The following ZNF280D variants were observed in gnomAD, a reference collection of about 807,000 sequenced individuals.
ZNF280D encodes the protein suppressor of hairy wing homolog 4.
In ZNF280D, 39 loss-of-function variants were observed where a neutral mutation model predicts 94.7. The ratio of observed to expected loss-of-function variants is 0.41; its 90% confidence interval spans 0.32 to 0.54. ZNF280D has a LOEUF of 0.54. ZNF280D is among the 20% of genes least tolerant of loss of function. The probability of loss-of-function intolerance (pLI) is 0.22; values close to 1 mark genes in which losing one functional copy is unlikely to be tolerated. For missense variants in ZNF280D, 1,090 were observed against 1,149.3 expected, an observed-to-expected ratio of 0.95 and a Z score of 0.75; for synonymous variants, 398 against 377.6, an observed-to-expected ratio of 1.05 and a Z score of -0.63.
intron 17 of ZNF280D, among the ~76,000 whole-genome samples, chr15:56,658,122 T>G (rs77576744): frequency 3.3e-5 from 5 of 152,250 alleles, no homozygotes; most frequent in East Asian, 1.9e-4. Context: ...ATTTTTTATA[T>G]GAAATGTCCA....
chr15:56,727,838 A>G (rs2058702653), intron 1 of ZNF280D, among the ~76,000 whole-genome samples: 1 of 152,216 alleles, frequency 6.6e-6, no homozygotes, highest in Non-Finnish European at 1.5e-5. Flanking sequence ...TACTTTAGAT[A>G]AATTCCCTCA....
chr15:56,653,591 C>T (rs1416751456), intron 19 of ZNF280D: 36 of 1,481,864 alleles, frequency 2.4e-5, no homozygotes, highest in Non-Finnish European at 3.0e-5. Context: ...CTCTGGGCTG[C>T]TTCTGCATCT....
intron 17 of ZNF280D, among the ~76,000 whole-genome samples, chr15:56,657,759 A>G (rs575379541): frequency 6.6e-6 from 1 of 152,280 alleles, no homozygotes; most frequent in East Asian, 1.9e-4. Flanking sequence ...GGAACCCTCA[A>G]ACACTGCTGG....
intron 19 of ZNF280D, among the ~76,000 whole-genome samples, chr15:56,652,263 T>A (rs1372761541): frequency 6.6e-6 from 1 of 152,178 alleles, no homozygotes; most frequent in Non-Finnish European, 1.5e-5. Context: ...CCTATCCTTA[T>A]GGCTATTAAG....
intron 1 of ZNF280D, among the ~76,000 whole-genome samples, chr15:56,733,248 A>G (rs2058991034): frequency 1.3e-5 from 2 of 151,900 alleles, no homozygotes; most frequent in Admixed American, 1.3e-4. Flanking sequence ...TCGCGCCGGG[A>G]TACCTCCTCC....
At chr15:56,653,459 C>T (rs1339091374) in intron 19 of ZNF280D, 2 of 1,472,800 alleles carry the variant, frequency 1.4e-6, no homozygotes, top group African/African-American at 1.4e-5. Flanking sequence ...TTCTTGAGGC[C>T]ACAACCTAAG....
intron 20 of ZNF280D, among the ~76,000 whole-genome samples, chr15:56,641,218 C>T (rs965943813): frequency 9.9e-5 from 15 of 151,952 alleles, no homozygotes; most frequent in African/African-American, 3.6e-4. Context: ...TCATCAAATA[C>T]ACTTTCAAAA....
intron 1 of ZNF280D, among the ~76,000 whole-genome samples, chr15:56,714,394 G>T (rs927584990): frequency 1.3e-5 from 2 of 152,134 alleles, no homozygotes; most frequent in African/African-American, 4.8e-5. Flanking sequence ...AGGAAGAAAA[G>T]ATCTTTAAAA....
chr15:56,650,766 T>C (rs2053160684), intron 19 of ZNF280D, among the ~76,000 whole-genome samples: 1 of 152,196 alleles, frequency 6.6e-6, no homozygotes. Flanking sequence ...TCTATTTTGT[T>C]ATAATTCATC....
intron 4 of ZNF280D, among the ~76,000 whole-genome samples, chr15:56,703,873 T>TAAATAAATA (rs35080491): frequency 0.029 from 4,338 of 151,762 alleles, 204 homozygotes; most frequent in African/African-American, 0.097. Flanking sequence ...AATAAATAAA[T>TAAATAAATA]AATTACTTAA....
chr15:56,705,612 T>G (rs1427522720), intron 3 of ZNF280D, among the ~76,000 whole-genome samples: 1 of 152,176 alleles, frequency 6.6e-6, no homozygotes, highest in Non-Finnish European at 1.5e-5. Flanking sequence ...AAGTGGATAC[T>G]CAACAAAATA....
intron 6 of ZNF280D, chr15:56,700,490 GT>G (rs1359572826): frequency 9.1e-6 from 9 of 991,654 alleles, no homozygotes; most frequent in African/African-American, 1.7e-5. Context: ...AAAAGTGGGA[GT>G]TTTTTGTAAT....
intron 6 of ZNF280D, chr15:56,698,370 C>A (rs1401871676): frequency 6.6e-6 from 1 of 152,186 alleles, no homozygotes; most frequent in African/African-American, 2.4e-5. Flanking sequence ...CTGCCAAGAT[C>A]ACGGTGGCAA....
At chr15:56,704,520 G>T (rs1224051337) in intron 3 of ZNF280D, among the ~76,000 whole-genome samples, 1 of 152,140 alleles carries the variant, frequency 6.6e-6, no homozygotes, top group Non-Finnish European at 1.5e-5. Context: ...AAATTTGGAA[G>T]TCAAATTCAG....
intron 19 of ZNF280D, among the ~76,000 whole-genome samples, chr15:56,648,982 C>T (rs1176315742): frequency 6.6e-6 from 1 of 151,886 alleles, no homozygotes. Flanking sequence ...TATGATTTGG[C>T]CATCTAAAGC....
intron 19 of ZNF280D, among the ~76,000 whole-genome samples, chr15:56,650,686 AG>A (rs1171984672): frequency 6.6e-6 from 1 of 152,204 alleles, no homozygotes; most frequent in Admixed American, 6.5e-5. Flanking sequence ...AAGATCTGTT[AG>A]AGGAAATTAT....
At position 56,658,496 on chromosome 15, in the gene ZNF280D, C is replaced by T. The variant is rs2053693765; in HGVS notation, c.1995-10G>A. 2 of 1,539,088 alleles carry T rather than the reference C, an allele frequency of 1.3e-6. No homozygotes were observed. ...ACGGTTACTATGAAAGCTGGAGAAACAAAAGAGATAGTAAAAATTTTATTA... is the reference window on the plus strand; with the variant it reads ...ACGGTTACTATGAAAGCTGGAGAAATAAAAGAGATAGTAAAAATTTTATTA... On this transcript the variant is annotated splice_polypyrimidine_tract_variant and intron_variant, in intron 16 of 21. Coordinates refer to ENST00000267807, the MANE Select transcript of ZNF280D (RefSeq NM_017661.4).
chr15:56,689,239 A>T, intron 8 of ZNF280D, 61 bp downstream of exon 8: 1 of 1,550,630 alleles, frequency 6.4e-7, no homozygotes, highest in East Asian at 2.3e-5. Context: ...ATTTATAGCC[A>T]CTTCAAAAAT....
chr15:56,713,498 G>T (rs904969748), intron 1 of ZNF280D, among the ~76,000 whole-genome samples: 4 of 152,044 alleles, frequency 2.6e-5, no homozygotes, highest in Non-Finnish European at 4.4e-5. Context: ...ACTTAAATCA[G>T]CTTTGTTTAT....
Sources: gnomAD v4.1 joint callset for allele counts (sites outside exome capture counted in the v4.1 genomes callset) on GRCh38, gnomAD v4.1.1 for gene constraint, MANE v1.5 for transcripts, NCBI Gene and HGNC (gene_info 2026-07-23, HGNC 2026-07-21) for gene names.